Variants in SMURF1 observed in about 807,000 individuals in gnomAD.
SMURF1 encodes the protein E3 ubiquitin-protein ligase SMURF1.
SMURF1 carries 44 observed loss-of-function variants against 98.0 expected under a neutral mutation model. The observed-to-expected ratio is 0.45, with a 90% CI of 0.35 to 0.58. The LOEUF is 0.58. Ranked by LOEUF, SMURF1 falls within the 20% of genes least tolerant of loss-of-function variation. The probability of loss-of-function intolerance (pLI) is 0.00; values close to 1 mark genes in which losing one functional copy is unlikely to be tolerated. For synonymous variants in SMURF1, 396 were observed against 374.9 expected, an observed-to-expected ratio of 1.06 and a Z score of -0.65; for missense variants, 687 against 938.4, an observed-to-expected ratio of 0.73 and a Z score of 3.50.
chr7:99,062,080 A>G lies in SMURF1; in HGVS notation c.56-243T>C, dbSNP rs75901760. 7.9e-3 allele frequency among the ~76,000 whole-genome samples: 1,203 copies of G among 152,166 alleles called. 10 individuals are homozygous for G. Among genetic ancestry groups the G allele is most frequent in the African/African-American group, 0.025 (1,036 of 41,516 alleles). ...AACTAAAAATCTTAAACACATTCAG[A>G]TGGGTTGATCAATATACTTTTTTTT... On this transcript the variant is annotated intron_variant, in intron 1 of 17. Coordinates refer to ENST00000361368, the MANE Select transcript of SMURF1 (RefSeq NM_181349.3).
intron 1 of SMURF1, among the ~76,000 whole-genome samples, chr7:99,113,787 C>T (rs1439238753): frequency 2.3e-5 from 3 of 130,624 alleles, no homozygotes; most frequent in Non-Finnish European, 3.1e-5. Context: ...TGCAGTGAGC[C>T]GAGATCATGC....
In SMURF1 at chr7:99,047,858, G is replaced by T. The variant is rs757888067; in HGVS notation, c.978C>A (p.Pro326=). The change falls in exon 10 of 18, where the codon CCC becomes CCA. Residue 326 remains proline, a synonymous_variant. Coordinates refer to ENST00000361368, the MANE Select transcript of SMURF1 (RefSeq NM_181349.3). The part of the protein sequence containing the change: ...IMNHQCQLKE[P]SQPLPLPSEG... The stretch of plus-strand genomic sequence containing the variant: ...CACTGGGCAGTGGCAGCGGCTGGCT[G>T]GGCTCCTTGAGTTGGCACTGGTGAC... The T allele has an allele frequency of 1.1e-5, 17 of 1,613,920 alleles. No individual in the cohort carries two copies. The African/African-American group carries it at 2.0e-4, about 19-fold the overall frequency.
chr7:99,076,091 C>T (rs572459451), intron 1 of SMURF1, among the ~76,000 whole-genome samples: 32 of 151,974 alleles, frequency 2.1e-4, no homozygotes, highest in Non-Finnish European at 3.1e-4. Flanking sequence ...TTTTTTATAG[C>T]GATGGGGTCT....
intron 1 of SMURF1, among the ~76,000 whole-genome samples, chr7:99,064,225 T>C (rs1796135434): frequency 6.6e-6 from 1 of 152,216 alleles, no homozygotes; most frequent in South Asian, 2.1e-4. Context: ...TGGTTTGTAT[T>C]TTCCTTTCCT....
At chr7:99,037,601 C>G (rs1036726366) in intron 14 of SMURF1, among the ~76,000 whole-genome samples, 7 of 152,222 alleles carry the variant, frequency 4.6e-5, no homozygotes, top group African/African-American at 1.7e-4. Flanking sequence ...CCCCACTCCC[C>G]GGATCTCTCC....
At chr7:99,129,146 A>AT (rs1196235657) in intron 1 of SMURF1, among the ~76,000 whole-genome samples, 1 of 152,106 alleles carries the variant, frequency 6.6e-6, no homozygotes, top group African/African-American at 2.4e-5. Context: ...TTCAAGACAC[A>AT]TTTTTTCATA....
intron 1 of SMURF1, among the ~76,000 whole-genome samples, chr7:99,064,960 G>T (rs1347059561): frequency 6.6e-6 from 1 of 152,142 alleles, no homozygotes; most frequent in Non-Finnish European, 1.5e-5. Flanking sequence ...TTAACATTTA[G>T]AATCATTTTG....
chr7:99,129,171 CA>C (rs1797807603), intron 1 of SMURF1, among the ~76,000 whole-genome samples: 1 of 152,138 alleles, frequency 6.6e-6, no homozygotes, highest in African/African-American at 2.4e-5. Flanking sequence ...TTGAAATCTT[CA>C]AATGAATCAC....
chr7:99,115,418 C>T (rs1797417110), intron 1 of SMURF1, among the ~76,000 whole-genome samples: 1 of 151,976 alleles, frequency 6.6e-6, no homozygotes, highest in Non-Finnish European at 1.5e-5. Context: ...CACAGTGAAA[C>T]CCTGTCTCTA....
intron 1 of SMURF1, among the ~76,000 whole-genome samples, chr7:99,116,936 T>C (rs1797469288): frequency 1.3e-5 from 2 of 152,168 alleles, no homozygotes; most frequent in South Asian, 4.1e-4. Flanking sequence ...CACTTCCTAT[T>C]TTAAAACTTA....
At chr7:99,127,317 G>A (rs563628727) in intron 1 of SMURF1, among the ~76,000 whole-genome samples, 1 of 152,258 alleles carries the variant, frequency 6.6e-6, no homozygotes, top group African/African-American at 2.4e-5. Context: ...TCCCATCTGT[G>A]TTAAAAGAAA....
intron 3 of SMURF1, among the ~76,000 whole-genome samples, chr7:99,059,453 A>AAAATAAAATAAAATAAAAT (rs1563010689): frequency 4.0e-5 from 6 of 149,112 alleles, no homozygotes; most frequent in African/African-American, 1.5e-4. Context: ...AAAATAAAAT[A>AAAATAAAATAAAATAAAAT]AAATAAAATA....
At chr7:99,040,631 G>A in intron 12 of SMURF1, 75 bp from the exon 13 acceptor site, 1 of 1,319,100 alleles carries the variant, frequency 7.6e-7, no homozygotes, top group East Asian at 2.9e-5. Context: ...CTGTCCCCAA[G>A]CTTCTTGGGA....
chr7:99,143,620 G>T, intron 1 of SMURF1, 106 bp downstream of exon 1: 1 of 959,138 alleles, frequency 1.0e-6, no homozygotes, highest in Non-Finnish European at 1.5e-6. Flanking sequence ...GAGGTCCTGG[G>T]ACAACGGCCG....
chr7:99,142,981 G>A (rs1798165141), intron 1 of SMURF1, among the ~76,000 whole-genome samples: 1 of 150,812 alleles, frequency 6.6e-6, no homozygotes, highest in Non-Finnish European at 1.5e-5. Context: ...GCAAGGGGGC[G>A]GGACCAGGAA....
chr7:99,037,046 C>T (rs1323219335), intron 15 of SMURF1, 21 bp downstream of exon 15: 1 of 1,613,112 alleles, frequency 6.2e-7, no homozygotes, highest in Non-Finnish European at 8.5e-7. Context: ...CCTGGGTCGA[C>T]TCCGCACAGC....
chr7:99,096,767 G>T (rs1374419800), intron 1 of SMURF1, among the ~76,000 whole-genome samples: 1 of 152,070 alleles, frequency 6.6e-6, no homozygotes, highest in Non-Finnish European at 1.5e-5. Context: ...AGTCAGCAAG[G>T]ATATATATAG....
At chr7:99,089,158 C>A (rs577985234) in intron 1 of SMURF1, among the ~76,000 whole-genome samples, 1 of 149,624 alleles carries the variant, frequency 6.7e-6, no homozygotes, top group South Asian at 2.1e-4. Flanking sequence ...GAGCCAAGAT[C>A]GTGCCACTGC....
intron 1 of SMURF1, among the ~76,000 whole-genome samples, chr7:99,132,043 C>A (rs999797534): frequency 6.6e-6 from 1 of 152,158 alleles, no homozygotes; most frequent in African/African-American, 2.4e-5. Context: ...AAACCAAAAG[C>A]TACAAAGCTG....
Sources: allele counts gnomAD v4.1 joint callset (sites outside exome capture counted in the v4.1 genomes callset), GRCh38; gene constraint gnomAD v4.1.1; transcripts MANE v1.5; gene names NCBI Gene and HGNC (gene_info 2026-07-23, HGNC 2026-07-21).